The following PBX1 variants were observed in gnomAD, a reference collection of about 807,000 sequenced individuals.
PBX1 encodes PBX homeobox 1.
PBX1 carries 6 observed loss-of-function variants against 53.4 expected under a neutral mutation model. The observed-to-expected ratio is 0.11, with a 90% CI of 0.06 to 0.22. The LOEUF is 0.22. PBX1 is among the 10% of genes least tolerant of loss of function. The pLI is 1.00. For missense variants in PBX1, 251 were observed against 551.4 expected, an observed-to-expected ratio of 0.46 and a Z score of 5.46; for synonymous variants, 204 against 212.3, an observed-to-expected ratio of 0.96 and a Z score of 0.34.
intron 5 of PBX1, among the ~76,000 whole-genome samples, chr1:164,811,007 G>A (rs1348113494): frequency 2.0e-5 from 3 of 152,112 alleles, no homozygotes; most frequent in Admixed American, 1.3e-4. Flanking sequence ...ATCTGCCGTC[G>A]TTGGGAGTTA....
intron 2 of PBX1, among the ~76,000 whole-genome samples, chr1:164,576,347 T>TGC (rs1654233831): frequency 6.6e-6 from 1 of 152,328 alleles, no homozygotes; most frequent in South Asian, 2.1e-4. Flanking sequence ...GCAGGGCTGA[T>TGC]GCGCGCAGCA....
chr1:164,842,752 G>T (rs1331474213), intron 8 of PBX1, among the ~76,000 whole-genome samples: 1 of 152,112 alleles, frequency 6.6e-6, no homozygotes, highest in Non-Finnish European at 1.5e-5. Context: ...TGGTTTTGCA[G>T]ATTTTACCTC....
chr1:164,756,300 T>C (rs996450415), intron 2 of PBX1, among the ~76,000 whole-genome samples: 1 of 152,186 alleles, frequency 6.6e-6, no homozygotes, highest in African/African-American at 2.4e-5. Context: ...CTGTCTGATT[T>C]TTTTTCCCCT....
At chr1:164,724,860 G>A (rs769682162) in intron 2 of PBX1, among the ~76,000 whole-genome samples, 25 of 151,908 alleles carry the variant, frequency 1.6e-4, no homozygotes, top group Admixed American at 3.9e-4. Context: ...GCCTCTCCAG[G>A]TGTGAGAGGC....
At chr1:164,739,020 CATG>C (rs1665446964) in intron 2 of PBX1, among the ~76,000 whole-genome samples, 1 of 152,070 alleles carries the variant, frequency 6.6e-6, no homozygotes, top group Non-Finnish European at 1.5e-5. Context: ...TGGCTTATTT[CATG>C]ATATGTTTTG....
intron 3 of PBX1, among the ~76,000 whole-genome samples, chr1:164,796,492 G>T (rs942526522): frequency 6.6e-6 from 1 of 152,112 alleles, no homozygotes; most frequent in Non-Finnish European, 1.5e-5. Flanking sequence ...ACTGGACTGG[G>T]TTAATTCAGT....
At chr1:164,884,456 A>C in intron 2 of PBX1, 1 of 393,278 alleles carries the variant, frequency 2.5e-6, no homozygotes, top group Non-Finnish European at 5.0e-6. Flanking sequence ...GGTCAATTTG[A>C]CTCTTTGATA....
At chr1:164,684,407 A>G (rs1205413208) in intron 2 of PBX1, 1 of 152,180 alleles carries the variant, frequency 6.6e-6, no homozygotes, top group Admixed American at 6.5e-5. Flanking sequence ...AGGGAGATAA[A>G]AGGCAATCTA....
chr1:164,738,788 T>C (rs916064394), intron 2 of PBX1, among the ~76,000 whole-genome samples: 1 of 152,198 alleles, frequency 6.6e-6, no homozygotes, highest in African/African-American at 2.4e-5. Context: ...AATTAATCAT[T>C]AGTCAACCTA....
chr1:164,782,773 G>A (rs1272886228), intron 2 of PBX1, among the ~76,000 whole-genome samples: 3 of 152,132 alleles, frequency 2.0e-5, no homozygotes, highest in Admixed American at 6.5e-5. Flanking sequence ...TAGTGACAAC[G>A]GCAGCGGGGT....
In PBX1 at chr1:164,681,961, G is replaced by A. The variant is rs532261445; in HGVS notation, c.266-110533G>A. 8.5e-5 allele frequency among the ~76,000 whole-genome samples: 13 copies of A among 152,284 alleles called. 1 individual carries two copies. In the South Asian group the frequency reaches 2.3e-3, roughly 27 times the overall value. ...GAAGAAACATTAAATACACTAATAT[G>A]TAAAGACTTCAGAGGGAACGTTTAA... On this transcript the variant is annotated intron_variant, in intron 2 of 8. Transcript: ENST00000420696.
intron 2 of PBX1, among the ~76,000 whole-genome samples, chr1:164,792,159 T>A (rs1668547397): frequency 6.6e-6 from 1 of 152,176 alleles, no homozygotes; most frequent in South Asian, 2.1e-4. Context: ...TCTCAAAAAC[T>A]CAGCTTCCCA....
chr1:164,640,161 G>T (rs1230903024), intron 2 of PBX1, among the ~76,000 whole-genome samples: 3 of 152,158 alleles, frequency 2.0e-5, no homozygotes, highest in African/African-American at 7.2e-5. Context: ...CTGGCTCCTG[G>T]AGGTCTGGAT....
intron 2 of PBX1, chr1:164,642,605 T>G (rs1373658645): frequency 6.6e-6 from 1 of 152,202 alleles, no homozygotes; most frequent in African/African-American, 2.4e-5. Context: ...ATGAATTTAT[T>G]TATTTGGTTA....
chr1:164,659,706 T>C (rs1050167759), intron 2 of PBX1, among the ~76,000 whole-genome samples: 1 of 152,202 alleles, frequency 6.6e-6, no homozygotes, highest in African/African-American at 2.4e-5. Context: ...AGCACTAAGC[T>C]TGGCCAGTTG....
intron 2 of PBX1, chr1:164,682,627 C>T (rs1661849570): frequency 6.6e-6 from 1 of 152,004 alleles, no homozygotes; most frequent in African/African-American, 2.4e-5. Context: ...AATTATGTGC[C>T]CTAAGGATCA....
chr1:164,686,972 A>AAAACAAAG (rs1410654501), intron 2 of PBX1, among the ~76,000 whole-genome samples: 4 of 152,078 alleles, frequency 2.6e-5, no homozygotes, highest in African/African-American at 9.7e-5. Flanking sequence ...AAAAACCAAA[A>AAAACAAAG]AAACGAAAAC....
chr1:164,871,441 G>A (rs766377032), intron 2 of PBX1, among the ~76,000 whole-genome samples: 14 of 152,242 alleles, frequency 9.2e-5, no homozygotes, highest in Non-Finnish European at 1.6e-4. Context: ...GGTTGGCAGT[G>A]TAATGTGCAT....
intron 2 of PBX1, among the ~76,000 whole-genome samples, chr1:164,592,986 C>G (rs1456438831): frequency 6.7e-6 from 1 of 150,216 alleles, no homozygotes; most frequent in African/African-American, 2.5e-5. Flanking sequence ...GAGACAGAGT[C>G]TTGCTCTGTA....
Sources: allele counts gnomAD v4.1 joint callset (sites outside exome capture counted in the v4.1 genomes callset), GRCh38; gene constraint gnomAD v4.1.1; transcripts MANE v1.5; gene names NCBI Gene and HGNC (gene_info 2026-07-23, HGNC 2026-07-21).